Variants in RPA3 observed in about 807,000 individuals in gnomAD.
The protein encoded by RPA3 is replication protein A 14 kDa subunit.
RPA3 carries 24 observed loss-of-function variants against 13.7 expected under a neutral mutation model. That is an observed-to-expected ratio of 1.75 (90% CI 1.27 to 2.46). RPA3 has a LOEUF of 2.46. Among genes scored for constraint, RPA3 ranks in the 30% most tolerant of loss-of-function variants. The probability of loss-of-function intolerance (pLI) is 0.00; values close to 1 mark genes in which losing one functional copy is unlikely to be tolerated. For missense variants in RPA3, 183 were observed against 151.0 expected (o/e 1.21, Z -1.11); for synonymous variants, 59 against 51.2 (o/e 1.15, Z -0.65).
chr7:7,693,337 A>AT (rs71010999), intron 2 of RPA3, among the ~76,000 whole-genome samples: 4 of 151,578 alleles, frequency 2.6e-5, no homozygotes, highest in African/African-American at 9.7e-5. Flanking sequence ...CTATCTATCT[A>AT]CATTATTTCG....
At chr7:7,714,643 T>G (rs866555369) in intron 2 of RPA3, among the ~76,000 whole-genome samples, 1 of 152,122 alleles carries the variant, frequency 6.6e-6, no homozygotes, top group African/African-American at 2.4e-5. Context: ...TTGTGTACAA[T>G]GTATTATATG....
intron 4 of RPA3, among the ~76,000 whole-genome samples, chr7:7,663,049 T>G (rs1785513643): frequency 6.6e-6 from 1 of 152,128 alleles, no homozygotes; most frequent in Admixed American, 6.5e-5. Flanking sequence ...GAAAATAGAT[T>G]TCTTATTATA....
intron 4 of RPA3, among the ~76,000 whole-genome samples, chr7:7,647,120 A>T (rs1009751119): frequency 3.8e-4 from 58 of 152,194 alleles, no homozygotes; most frequent in African/African-American, 1.2e-3. Context: ...GTTCACCTAT[A>T]AAACCTTTTA....
intron 4 of RPA3, among the ~76,000 whole-genome samples, chr7:7,662,718 G>A (rs1293667946): frequency 6.6e-6 from 1 of 152,178 alleles, no homozygotes; most frequent in Non-Finnish European, 1.5e-5. Flanking sequence ...CGCCTTCTGT[G>A]TTGATCTCAC....
intron 2 of RPA3, among the ~76,000 whole-genome samples, chr7:7,714,898 G>C (rs1303658207): frequency 8.7e-6 from 1 of 114,410 alleles, no homozygotes; most frequent in African/African-American, 3.4e-5. Flanking sequence ...TTGCAGACCT[G>C]TTGTACCATG....
Position 7,640,569 on chromosome 7 carries a change from A to G in RPA3, c.-151T>C. 1.5e-6 allele frequency: 1 copy of G among 684,548 alleles called. No homozygotes were observed. Among genetic ancestry groups the G allele is most frequent in the Non-Finnish European group, 2.5e-6 (1 of 394,840 alleles). 42.4% of individuals were successfully genotyped at this position (684,548 alleles called of 1,614,324 possible). ...TTAAATGCGCGGAAACCTAAATCGC[A>G]ATCGCGCTGTCTCTGAAAGGGGTGG... On this transcript the variant is annotated 5_prime_UTR_variant, in exon 5 of 8. Transcript: ENST00000223129.
At chr7:7,658,831 G>C (rs1040992012) in intron 4 of RPA3, among the ~76,000 whole-genome samples, 1 of 152,154 alleles carries the variant, frequency 6.6e-6, no homozygotes, top group African/African-American at 2.4e-5. Flanking sequence ...AAATGAGTTA[G>C]GGAGGAGCCC....
At chr7:7,678,151 G>C (rs1282685507) in intron 4 of RPA3, among the ~76,000 whole-genome samples, 1 of 148,944 alleles carries the variant, frequency 6.7e-6, no homozygotes, top group Non-Finnish European at 1.5e-5. Flanking sequence ...TAGTTTTTTT[G>C]AGGAATCTCC....
chr7:7,688,884 A>G (rs952377695), intron 2 of RPA3, among the ~76,000 whole-genome samples: 1 of 152,200 alleles, frequency 6.6e-6, no homozygotes, highest in Non-Finnish European at 1.5e-5. Flanking sequence ...AAAACTTGGT[A>G]ATATCTTCTA....
rs142893533 is a variant in RPA3, at chr7:7,698,846, G to A, written c.-1027-11518C>T. Among the ~76,000 whole-genome samples, 448 of 148,866 alleles carry A rather than the reference G, an allele frequency of 3.0e-3. 10 individuals carry two copies. In the South Asian group the frequency reaches 0.043, roughly 14 times the overall value. The stretch of plus-strand genomic sequence containing the variant: ...CATGACATTTCTGGCTGTGGATTTC[G>A]TTTCCACCAACTCACCCTCTTGTCT... On this transcript the variant is annotated intron_variant, in intron 2 of 7. Coordinates refer to ENST00000223129, the MANE Select transcript of RPA3 (RefSeq NM_002947.5).
At chr7:7,664,357 A>G (rs1269235843) in intron 4 of RPA3, among the ~76,000 whole-genome samples, 1 of 152,134 alleles carries the variant, frequency 6.6e-6, no homozygotes, top group Non-Finnish European at 1.5e-5. Context: ...TCTCTCTAGC[A>G]TGCTATTTTA....
chr7:7,690,079 C>T (rs1356296524), intron 2 of RPA3, among the ~76,000 whole-genome samples: 3 of 151,998 alleles, frequency 2.0e-5, no homozygotes, highest in East Asian at 1.9e-4. Flanking sequence ...ATTTTCCCAC[C>T]CATTTGATTT....
intron 4 of RPA3, among the ~76,000 whole-genome samples, chr7:7,674,196 T>C (rs1273287774): frequency 6.6e-6 from 1 of 152,188 alleles, no homozygotes; most frequent in Non-Finnish European, 1.5e-5. Flanking sequence ...CTACTCCTTC[T>C]CTGAGAAGAT....
chr7:7,714,108 T>C (rs558347108), intron 2 of RPA3, among the ~76,000 whole-genome samples: 1 of 152,380 alleles, frequency 6.6e-6, no homozygotes, highest in Admixed American at 6.5e-5. Context: ...AGATTTTTAA[T>C]TTAATGTCCT....
chr7:7,640,281 G>T, intron 5 of RPA3, 39 bp downstream of exon 5: 24 of 1,602,450 alleles, frequency 1.5e-5, no homozygotes, highest in Non-Finnish European at 2.1e-5. Context: ...CCTCCCTCCA[G>T]CTACGGACTT....
chr7:7,717,359 C>T lies in RPA3; in HGVS notation c.-1080+1156G>A, dbSNP rs539507623. Among the ~76,000 whole-genome samples the T allele has an allele frequency of 1.9e-4, 29 of 152,250 alleles. 1 individual carries two copies. The highest frequency in any genetic ancestry group is 1.7e-3 in the Admixed American group (26 of 15,290). On this transcript the variant is annotated intron_variant, in intron 1 of 7. Coordinates refer to ENST00000223129, the MANE Select transcript of RPA3 (RefSeq NM_002947.5). ...GGCATAAGCCACCTCGCCCAGCCTCCTGTTTCTTTCATCTATTAAAACTCC... is the reference window on the plus strand; with the variant it reads ...GGCATAAGCCACCTCGCCCAGCCTCTTGTTTCTTTCATCTATTAAAACTCC...
chr7:7,663,324 A>C (rs1785523363), intron 4 of RPA3, among the ~76,000 whole-genome samples: 2 of 148,520 alleles, frequency 1.3e-5, no homozygotes, highest in South Asian at 4.3e-4. Context: ...GTCTGAGCAT[A>C]AATAAGAGAG....
intron 4 of RPA3, among the ~76,000 whole-genome samples, chr7:7,663,614 A>G (rs1029845590): frequency 6.6e-6 from 1 of 152,198 alleles, no homozygotes; most frequent in African/African-American, 2.4e-5. Flanking sequence ...ATGAATCTAA[A>G]ATCTGTTAAA....
chr7:7,718,494 C>G (rs1251045836), intron 1 of RPA3, 21 bp downstream of exon 1: 1 of 152,130 alleles, frequency 6.6e-6, no homozygotes, highest in Non-Finnish European at 1.5e-5. Context: ...ATGTATCCAA[C>G]AAATTCAAAC....
Sources: gnomAD v4.1 joint callset for allele counts (sites outside exome capture counted in the v4.1 genomes callset) on GRCh38, gnomAD v4.1.1 for gene constraint, MANE v1.5 for transcripts, NCBI Gene and HGNC (gene_info 2026-07-23, HGNC 2026-07-21) for gene names.